Variants in MEGF11 observed in about 807,000 individuals in gnomAD.
MEGF11 encodes multiple epidermal growth factor-like domains protein 11.
MEGF11 carries 126 observed loss-of-function variants against 146.6 expected under a neutral mutation model. The ratio of observed to expected loss-of-function variants is 0.86; its 90% confidence interval spans 0.74 to 1.00. MEGF11 has a LOEUF of 1.00. MEGF11 is among the 50% of genes least tolerant of loss of function. The pLI is 0.00. For missense variants in MEGF11, 1,509 were observed against 1,521.2 expected (o/e 0.99, Z 0.13); for synonymous variants, 532 against 583.4 (o/e 0.91, Z 1.27).
chr15:65,996,036 C>T lies in MEGF11; in HGVS notation c.395-13548G>A, dbSNP rs192180076. 2.1e-3 allele frequency among the ~76,000 whole-genome samples: 315 copies of T among 152,326 alleles called. 2 individuals carry two copies. The highest frequency in any genetic ancestry group is 7.4e-3 in the African/African-American group (307 of 41,568). On this transcript the variant is annotated intron_variant, in intron 5 of 25. Transcript: ENST00000395614. The stretch of plus-strand genomic sequence containing the variant: ...CACCAGAGTCCTGGGGAAGCCTCCA[C>T]CCTCCCTGCCTCTCACCCCATCTGG...
Position 65,922,863 on chromosome 15 carries a change from G to A in MEGF11, c.1782C>T (p.Cys594=), listed in dbSNP as rs148621461. Residue 594 remains cysteine, a synonymous_variant, in exon 14 of 26, where the codon TGC becomes TGT. Transcript: ENST00000395614. ...GTCCTCGGAAGCCAGGGGCACACTC[G>A]CAGCTCCCATCCTCTGGGGAGCAGG... ...GGSCSPEDGS[C]ECAPGFRGPL... is the part of the protein sequence containing the mutation. The A allele has an allele frequency of 6.7e-5, 108 of 1,613,700 alleles. 1 individual carries two copies. In the East Asian group the frequency reaches 1.3e-3, roughly 19 times the overall value.
At chr15:66,177,311 G>A (rs1597136837) in intron 1 of MEGF11, among the ~76,000 whole-genome samples, 1 of 152,124 alleles carries the variant, frequency 6.6e-6, no homozygotes, top group Non-Finnish European at 1.5e-5. Context: ...AATTACAAGA[G>A]GCTTTAAAAA....
intron 5 of MEGF11, among the ~76,000 whole-genome samples, chr15:66,031,851 G>A (rs965461946): frequency 6.6e-6 from 1 of 152,220 alleles, no homozygotes; most frequent in African/African-American, 2.4e-5. Context: ...ACAGGAATGG[G>A]TTCATTATCT....
chr15:66,115,329 C>T (rs2087669962), intron 4 of MEGF11, among the ~76,000 whole-genome samples: 1 of 152,216 alleles, frequency 6.6e-6, no homozygotes. Flanking sequence ...TCCCATCTGT[C>T]CCCCAGTGCC....
At chr15:66,179,853 C>T (rs183315623) in intron 1 of MEGF11, among the ~76,000 whole-genome samples, 1 of 149,182 alleles carries the variant, frequency 6.7e-6, no homozygotes, top group East Asian at 2.0e-4. Flanking sequence ...TAACACCCTC[C>T]GACACACAAA....
chr15:66,180,281 T>G (rs2090510866), intron 1 of MEGF11, among the ~76,000 whole-genome samples: 1 of 152,202 alleles, frequency 6.6e-6, no homozygotes, highest in Non-Finnish European at 1.5e-5. Flanking sequence ...GCAGTGAGGT[T>G]CCAGGCAGCT....
intron 5 of MEGF11, among the ~76,000 whole-genome samples, chr15:66,074,745 G>A (rs4776715): frequency 0.96 from 146,820 of 152,318 alleles, 70,990 homozygotes; most frequent in East Asian, 1. Context: ...GCTCCCTAAC[G>A]TGGTACTGGC....
chr15:66,003,874 C>A (rs115227185), intron 5 of MEGF11, among the ~76,000 whole-genome samples: 2,492 of 152,324 alleles, frequency 0.016, 60 homozygotes, highest in African/African-American at 0.057. Context: ...AGCTACTCCT[C>A]CTGCTCCTGC....
chr15:66,022,312 C>T (rs1194018512), intron 5 of MEGF11, among the ~76,000 whole-genome samples: 1 of 152,262 alleles, frequency 6.6e-6, no homozygotes, highest in Non-Finnish European at 1.5e-5. Flanking sequence ...AGTGTGGCCT[C>T]TGGGCCTACC....
chr15:65,993,573 T>A (rs1230020351), intron 5 of MEGF11, among the ~76,000 whole-genome samples: 1 of 152,186 alleles, frequency 6.6e-6, no homozygotes, highest in Non-Finnish European at 1.5e-5. Flanking sequence ...GCTAGCCTTG[T>A]TGGTCCTGCA....
At chr15:66,172,359 A>T (rs890970923) in intron 1 of MEGF11, among the ~76,000 whole-genome samples, 6 of 152,046 alleles carry the variant, frequency 3.9e-5, no homozygotes, top group Non-Finnish European at 8.8e-5. Context: ...CCTCACATTC[A>T]CGGCCCTGCC....
At chr15:65,970,415 C>G in intron 8 of MEGF11, 138 bp downstream of exon 8, 1 of 960,722 alleles carries the variant, frequency 1.0e-6, no homozygotes, top group East Asian at 2.7e-5. Flanking sequence ...CCAACCCTCC[C>G]TGGCAGGAGA....
rs948221045 is a variant in MEGF11, at chr15:65,909,093, G to C, written c.2939C>G (p.Pro980Arg). 30 of 1,535,790 alleles carry C rather than the reference G, an allele frequency of 2.0e-5. No homozygotes were observed. Among genetic ancestry groups the C allele is most frequent in the Non-Finnish European group, 2.6e-5 (30 of 1,146,806 alleles). The change falls in exon 23 of 26, where the codon CCC (proline) becomes CGC (arginine). Residue 980 changes from proline (P) to arginine (R), a missense_variant. Pro to Arg is a moderately radical substitution (Grantham distance 103). Transcript: ENST00000395614. ...TCTAAGTTCAATGTAGAAGTCCTCG[G>C]GCGGGTACCTGGCCTCCAGGGCACT... ...QISALEARYP[P>R]EDFYIELRHL...
At chr15:66,244,059 G>A (rs2092258117) in intron 1 of MEGF11, among the ~76,000 whole-genome samples, 1 of 152,196 alleles carries the variant, frequency 6.6e-6, no homozygotes, top group Non-Finnish European at 1.5e-5. Flanking sequence ...TTAACATCCT[G>A]TTCTGAGGAC....
chr15:66,167,408 G>A (rs1007577527), intron 1 of MEGF11, among the ~76,000 whole-genome samples: 6 of 152,214 alleles, frequency 3.9e-5, no homozygotes, highest in East Asian at 1.9e-4. Context: ...TTGGGAGGCC[G>A]AGGCGGGCGG....
intron 5 of MEGF11, among the ~76,000 whole-genome samples, chr15:66,005,474 C>T (rs572244502): frequency 2.0e-5 from 3 of 152,262 alleles, no homozygotes; most frequent in Admixed American, 6.5e-5. Flanking sequence ...TCTTATGATT[C>T]GTGCTCCAGT....
At chr15:65,920,050 A>G (rs2079126964) in intron 15 of MEGF11, among the ~76,000 whole-genome samples, 1 of 152,228 alleles carries the variant, frequency 6.6e-6, no homozygotes. Flanking sequence ...ATGCCTTATC[A>G]TTAACTCTGC....
chr15:66,187,241 G>A (rs2090732746), intron 1 of MEGF11, among the ~76,000 whole-genome samples: 1 of 152,208 alleles, frequency 6.6e-6, no homozygotes. Flanking sequence ...TGGAATCTAG[G>A]AACACGCCTG....
At chr15:66,202,441 A>G (rs1160347366) in intron 1 of MEGF11, among the ~76,000 whole-genome samples, 2 of 152,202 alleles carry the variant, frequency 1.3e-5, no homozygotes, top group Non-Finnish European at 2.9e-5. Flanking sequence ...ACAGCCACTC[A>G]GGCAGAATGA....
Sources: gnomAD v4.1 joint callset for allele counts (sites outside exome capture counted in the v4.1 genomes callset) on GRCh38, gnomAD v4.1.1 for gene constraint, MANE v1.5 for transcripts, NCBI Gene and HGNC (gene_info 2026-07-23, HGNC 2026-07-21) for gene names.